Variants in CA2 observed in about 807,000 individuals in gnomAD.
The protein encoded by CA2 is carbonic anhydrase 2.
In CA2, 23 loss-of-function variants were observed where a neutral mutation model predicts 27.8. The ratio of observed to expected loss-of-function variants is 0.83; its 90% CI spans 0.59 to 1.17. The LOEUF (loss-of-function observed/expected upper bound fraction) is 1.17, where lower values mean the gene tolerates loss of function less well. Among genes scored for constraint, CA2 ranks in the 50% most tolerant of loss-of-function variants. The pLI is 0.00. For synonymous variants in CA2, 99 were observed against 114.9 expected (o/e 0.86, Z 0.88); for missense variants, 300 against 314.7 (o/e 0.95, Z 0.35).
At chr8:85,474,260 G>A in intron 3 of CA2, 64 bp from the exon 4 acceptor site, 1 of 1,142,544 alleles carries the variant, frequency 8.8e-7, no homozygotes, top group East Asian at 2.3e-5. Flanking sequence ...AAAGACCATT[G>A]AATAAAATCT....
intron 4 of CA2, among the ~76,000 whole-genome samples, chr8:85,475,199 CAAAACA>C (rs1314087240): frequency 6.6e-6 from 1 of 151,096 alleles, no homozygotes; most frequent in African/African-American, 2.4e-5. Flanking sequence ...AACAAAAAAA[CAAAACA>C]AAAACAAAAA....
chr8:85,470,725 A>G (rs984615049), intron 2 of CA2, among the ~76,000 whole-genome samples: 2 of 152,128 alleles, frequency 1.3e-5, no homozygotes, highest in South Asian at 4.1e-4. Context: ...TTTGTGTTAT[A>G]TACAGAGTAT....
chr8:85,477,237 A>G lies in CA2; in HGVS notation c.625A>G (p.Ile209Val). The stretch of plus-strand genomic sequence containing the variant: ...TCCTCTTCTGGAATGTGTGACCTGG[A>G]TTGTGCTCAAGGAACCCATCAGCGT... The part of the protein sequence containing the change: ...TPPLLECVTW[I>V]VLKEPISVSS... Residue 209 changes from isoleucine to valine, a missense_variant, in exon 6 of 7, where the codon ATT becomes GTT. This residue lies in a region of CA2 where 173 missense variants were observed against 161.0 expected (regional missense o/e 1.07). Transcript: ENST00000285379. 6.2e-7 allele frequency: 1 copy of G among 1,614,054 alleles called. No individual in the cohort carries two copies. The highest frequency in any genetic ancestry group is 8.5e-7 in the Non-Finnish European group (1 of 1,179,980).
rs1442098447 is a variant in CA2 at position 85,481,438 on chromosome 8, ATAACT to A, written c.*653_*657del. 2 of 152,294 alleles carry A rather than the reference ATAACT, an allele frequency of 1.3e-5. No homozygotes were observed. Among genetic ancestry groups the A allele is most frequent in the African/African-American group, 4.8e-5 (2 of 41,464 alleles). 9.4% of individuals were successfully genotyped at this position (152,294 alleles called of 1,614,324 possible). A position where few individuals can be genotyped will look rare whatever the true frequency, so the allele number is the denominator to read the frequency against. ...TATATTTCCATTCAGACAATATATC[ATAACT>A]TAATAAATATTGTATTTTAGATATA... On this transcript the variant is annotated 3_prime_UTR_variant, in exon 7 of 7. Coordinates refer to ENST00000285379, the MANE Select transcript of CA2 (RefSeq NM_000067.3).
intron 1 of CA2, 58 bp from the exon 2 acceptor site, chr8:85,465,214 A>C: frequency 2.2e-6 from 3 of 1,369,926 alleles, no homozygotes; most frequent in Non-Finnish European, 3.1e-6. Flanking sequence ...GCTCTTCTCT[A>C]GGGGTCTGGG....
intron 2 of CA2, among the ~76,000 whole-genome samples, chr8:85,465,770 G>T (rs925889749): frequency 1.1e-4 from 16 of 152,192 alleles, no homozygotes; most frequent in Non-Finnish European, 2.9e-5. Context: ...ATAAAGATCA[G>T]TCACGATGAG....
chr8:85,470,663 A>G (rs1427056178), intron 2 of CA2, among the ~76,000 whole-genome samples: 1 of 152,160 alleles, frequency 6.6e-6, no homozygotes, highest in Non-Finnish European at 1.5e-5. Context: ...ATTTCCTCAA[A>G]TAATATGTAT....
chr8:85,474,499 C>G (rs1811761350), intron 4 of CA2, 83 bp downstream of exon 4: 1 of 1,035,118 alleles, frequency 9.7e-7, no homozygotes, highest in Non-Finnish European at 1.5e-6. Context: ...ACAGGACATT[C>G]TACAAAAGAG....
At chr8:85,476,018 GT>G (rs1367682829) in intron 5 of CA2, among the ~76,000 whole-genome samples, 158 bp downstream of exon 5, 12 of 152,102 alleles carry the variant, frequency 7.9e-5, no homozygotes, top group African/African-American at 2.7e-4. Flanking sequence ...TTTAATTAAC[GT>G]TTCTTTCAAC....
rs767577679 is a variant in CA2 at position 85,465,432 on chromosome 8, T to G, written c.195T>G (p.Ala65=). The part of the protein sequence containing the change: ...TSLRILNNGH[A]FNVEFDDSQD... ...TGAGGATCCTCAACAATGGTCATGC[T>G]TTCAACGTGGAGTTTGATGACTCTC... Residue 65 remains alanine (A), a synonymous_variant, in exon 2 of 7, where the codon GCT becomes GCG. Transcript: ENST00000285379. 6.8e-6 allele frequency: 11 copies of G among 1,614,220 alleles called. No homozygotes were observed. The highest frequency in any genetic ancestry group is 9.3e-6 in the Non-Finnish European group (11 of 1,180,032).
chr8:85,470,669 T>G (rs1162668718), intron 2 of CA2, among the ~76,000 whole-genome samples: 1 of 152,178 alleles, frequency 6.6e-6, no homozygotes, highest in Non-Finnish European at 1.5e-5. Context: ...TCAAATAATA[T>G]GTATAGGAAG....
chr8:85,472,414 C>T (rs1811724743), intron 2 of CA2, among the ~76,000 whole-genome samples: 1 of 152,108 alleles, frequency 6.6e-6, no homozygotes. Flanking sequence ...GGAAGAAAGA[C>T]TGATTTCACA....
chr8:85,476,901 G>GTT lies in CA2; in HGVS notation c.508-205_508-204dup, dbSNP rs76092398. 2.6e-4 allele frequency among the ~76,000 whole-genome samples: 36 copies of GTT among 139,328 alleles called. No homozygotes were observed. The South Asian group carries it at 4.0e-3, about 15-fold the overall frequency. The allele number at this position is 139,328 out of a possible 152,430, so 91.4% of individuals were successfully genotyped here. A position where few individuals can be genotyped will look rare whatever the true frequency, so the allele number is the denominator to read the frequency against. ...GATGAAAAATGGACATGTGAAAATA[G>GTT]TTTTTTTTTTTTTTTACTACGACTT... On this transcript the variant is annotated intron_variant, in intron 5 of 6. Coordinates refer to ENST00000285379, the MANE Select transcript of CA2 (RefSeq NM_000067.3).
At chr8:85,474,803 G>C (rs1160540904) in intron 4 of CA2, among the ~76,000 whole-genome samples, 1 of 152,174 alleles carries the variant, frequency 6.6e-6, no homozygotes, top group Non-Finnish European at 1.5e-5. Flanking sequence ...AGAACCGGTT[G>C]AGCTGCCCTC....
intron 6 of CA2, among the ~76,000 whole-genome samples, chr8:85,479,561 G>A (rs1291189018): frequency 6.6e-6 from 1 of 152,100 alleles, no homozygotes; most frequent in Non-Finnish European, 1.5e-5. Context: ...GTCTTGGTTA[G>A]AGGGGGGAAA....
At chr8:85,474,127 A>G (rs1442461328) in intron 3 of CA2, among the ~76,000 whole-genome samples, 197 bp from the exon 4 acceptor site, 2 of 152,230 alleles carry the variant, frequency 1.3e-5, no homozygotes. Context: ...TCTTAGAGTT[A>G]TTGATGAAAA....
In CA2 at chr8:85,477,351, G is replaced by C; in HGVS notation, c.663+76G>C. Reference sequence around the variant, plus strand: ...CAGAAGACCTTGGCCTCCAGAGTGAGAGAGAACTGAGATTTAATCCTTCTC... The same window carrying C: ...CAGAAGACCTTGGCCTCCAGAGTGACAGAGAACTGAGATTTAATCCTTCTC... On this transcript the variant is annotated intron_variant, in intron 6 of 6. Transcript: ENST00000285379. 3.3e-6 allele frequency: 5 copies of C among 1,521,466 alleles called. No individual in the cohort carries two copies. In the South Asian group the frequency reaches 5.6e-5, roughly 17 times the overall value. 94.2% of individuals were successfully genotyped at this position (1,521,466 alleles called of 1,614,324 possible).
intron 4 of CA2, 80 bp from the exon 5 acceptor site, chr8:85,475,718 A>C: frequency 7.7e-7 from 1 of 1,299,552 alleles, no homozygotes. Context: ...ATGTTTTCTA[A>C]TAGAGCTACC....
In CA2 at chr8:85,473,768, A is replaced by G. The variant is rs775659220; in HGVS notation, c.308A>G (p.Gln103Arg). 1 of 1,611,090 alleles carries G rather than the reference A, an allele frequency of 6.2e-7. No homozygotes were observed. The highest frequency in any genetic ancestry group is 8.5e-7 in the Non-Finnish European group (1 of 1,177,254). The change falls in exon 3 of 7, where the codon CAA becomes CGA. Residue 103 changes from glutamine (Q) to arginine (R), a missense_variant. By Grantham distance (43) the Gln-to-Arg change is conservative. Transcript: ENST00000285379. Reference protein sequence around the residue: ...FHFHWGSLDGQGSEHTVDKKK... With the variant: ...FHFHWGSLDGRGSEHTVDKKK... ...TTTCACTGGGGTTCACTTGATGGAC[A>G]AGGTTCAGAGCATACTGTGGATAAA...
Sources: allele counts gnomAD v4.1 joint callset (sites outside exome capture counted in the v4.1 genomes callset), GRCh38; gene constraint gnomAD v4.1.1; regional missense constraint gnomAD v4.1.1; transcripts MANE v1.5; gene names NCBI Gene and HGNC (gene_info 2026-07-23, HGNC 2026-07-21).